FXYD6: variants seen among roughly 807,000 people sequenced by gnomAD.
FXYD6 encodes FXYD domain containing ion transport regulator 6, also known as FXYD domain-containing ion transport regulator 6.
FXYD6 carries 7 observed loss-of-function variants against 16.7 expected under a neutral mutation model. The observed-to-expected ratio is 0.42, with a 90% CI of 0.24 to 0.79. The LOEUF is 0.79. Among genes scored for constraint, FXYD6 ranks in the 30% least tolerant of loss-of-function variants. The pLI, the probability that FXYD6 is intolerant of heterozygous loss-of-function variation, is 0.28. For synonymous variants in FXYD6, 49 were observed against 43.0 expected (o/e 1.14, Z -0.54); for missense variants, 111 against 116.2 (o/e 0.95, Z 0.21).
intron 1 of FXYD6, among the ~76,000 whole-genome samples, chr11:117,853,185 G>A (rs1442273638): frequency 6.6e-6 from 1 of 152,052 alleles, no homozygotes; most frequent in East Asian, 1.9e-4. Context: ...TAATATATTC[G>A]ATTGTGAGCT....
intron 1 of FXYD6, among the ~76,000 whole-genome samples, chr11:117,876,233 G>T (rs73588911): frequency 0.028 from 4,207 of 152,118 alleles, 187 homozygotes; most frequent in East Asian, 0.15. Flanking sequence ...AAGTAACAAA[G>T]GGAAAACTCC....
intron 1 of FXYD6, among the ~76,000 whole-genome samples, chr11:117,856,205 T>A (rs1055674549): frequency 6.6e-6 from 1 of 152,202 alleles, no homozygotes; most frequent in Non-Finnish European, 1.5e-5. Flanking sequence ...GGGTAAAAAC[T>A]GCTCAGAAAG....
At chr11:117,874,308 C>T (rs1236109233) in intron 1 of FXYD6, among the ~76,000 whole-genome samples, 5 of 152,174 alleles carry the variant, frequency 3.3e-5, no homozygotes, top group East Asian at 3.8e-4. Context: ...AGGAAGGAAA[C>T]GCTTCCCCCA....
intron 1 of FXYD6, among the ~76,000 whole-genome samples, chr11:117,848,309 G>A (rs1392404202): frequency 1.3e-5 from 2 of 151,736 alleles, no homozygotes; most frequent in African/African-American, 4.8e-5. Context: ...TATTTCTATG[G>A]TTTTTGTCCT....
chr11:117,840,310 G>A lies in FXYD6; in HGVS notation c.259+9C>T. The A allele has an allele frequency of 6.2e-7, 1 of 1,614,122 alleles. No homozygotes were observed. Among genetic ancestry groups the A allele is most frequent in the South Asian group, 1.1e-5 (1 of 91,070 alleles). On this transcript the variant is annotated intron_variant, in intron 6 of 7. Transcript: ENST00000526014. ...TTTTCCACCTGGGCAGGTGGTCACG[G>A]ACAGTTACCATTGGCGGTGATGAGG...
upstream of FXYD6, chr11:117,876,667 G>A (rs2057276883): frequency 6.6e-6 from 1 of 152,152 alleles, no homozygotes; most frequent in Non-Finnish European, 1.5e-5. Context: ...GCGGGGCTGG[G>A]GGCAGGGCGG....
rs562412531 is a variant in FXYD6 at position 117,872,782 on chromosome 11, C to T, written c.-6+3810G>A. Among the ~76,000 whole-genome samples, 5 of 152,266 alleles carry T rather than the reference C, an allele frequency of 3.3e-5. No individual in the cohort carries two copies. Among genetic ancestry groups the T allele is most frequent in the South Asian group, 2.1e-4 (1 of 4,824 alleles). On this transcript the variant is annotated intron_variant, in intron 1 of 7. Coordinates refer to ENST00000526014, the MANE Select transcript of FXYD6 (RefSeq NM_022003.4). This position sits in a 1 kb window ranked among gnomAD's most constrained non-coding sequence, Gnocchi z 4.9. ...AAGCTGGCTTCATCCCTTCCCAGGT[C>T]GGGACCTCTCCCTCCCCGGATTCTG...
intron 1 of FXYD6, among the ~76,000 whole-genome samples, chr11:117,861,547 G>T (rs1250844790): frequency 2.0e-5 from 3 of 152,246 alleles, no homozygotes; most frequent in Non-Finnish European, 4.4e-5. Flanking sequence ...AAAAGAGACG[G>T]CCTGTGGACG....
rs893611492 is a variant in FXYD6 at position 117,838,271 on chromosome 11, C to T, written c.*28G>A. 8 of 702,572 alleles carry T rather than the reference C, an allele frequency of 1.1e-5. No homozygotes were observed. Among genetic ancestry groups the T allele is most frequent in the Non-Finnish European group, 2.1e-5 (8 of 385,004 alleles). The allele number at this position is 702,572 out of a possible 1,614,324, so 43.5% of individuals were successfully genotyped here. On this transcript the variant is annotated 3_prime_UTR_variant, in exon 8 of 8. Coordinates refer to ENST00000526014, the MANE Select transcript of FXYD6 (RefSeq NM_022003.4). The stretch of plus-strand genomic sequence containing the variant: ...AAGGTTCAAGCAGCCGCCTCAGGTT[C>T]CAGAGGCTGAGGAGGAGGATAATTT...
At chr11:117,851,401 C>A (rs1235939671) in intron 1 of FXYD6, among the ~76,000 whole-genome samples, 1 of 152,166 alleles carries the variant, frequency 6.6e-6, no homozygotes. Context: ...ACTCCAAAAG[C>A]CTGCTAAGAA....
intron 1 of FXYD6, among the ~76,000 whole-genome samples, chr11:117,846,010 A>G (rs995374667): frequency 1.3e-5 from 2 of 152,164 alleles, no homozygotes; most frequent in African/African-American, 4.8e-5. Flanking sequence ...ACTTCACACA[A>G]TGATTTAAAA....
Position 117,860,387 on chromosome 11 carries a change from G to GCTCT in FXYD6, c.-6+16201_-6+16204dup, listed in dbSNP as rs566451664. On this transcript the variant is annotated intron_variant, in intron 1 of 7. Coordinates refer to ENST00000526014, the MANE Select transcript of FXYD6 (RefSeq NM_022003.4). ...CAGCGAGATACAGGTACCTGAGAGA[G>GCTCT]CTCTGCGCAGAGAGCCACAATGCAG... Among the ~76,000 whole-genome samples the GCTCT allele has an allele frequency of 3.1e-3, 469 of 152,314 alleles. 1 individual carries two copies. The highest frequency in any genetic ancestry group is 9.8e-3 in the African/African-American group (407 of 41,556).
intron 7 of FXYD6, 120 bp from the exon 8 acceptor site, chr11:117,838,397 G>T: frequency 1.5e-6 from 1 of 684,428 alleles, no homozygotes; most frequent in Non-Finnish European, 2.7e-6. Context: ...CCTCGTCTGA[G>T]ACGCAGAGAA....
chr11:117,837,796 A>G lies in FXYD6; in HGVS notation c.*503T>C, dbSNP rs1244872119. The G allele has an allele frequency of 1.0e-5, 2 of 194,176 alleles. No homozygotes were observed. The highest frequency in any genetic ancestry group is 4.6e-5 in the African/African-American group (2 of 43,766). The allele number at this position is 194,176 out of a possible 1,614,324, so 12.0% of individuals were successfully genotyped here. A position where few individuals can be genotyped will look rare whatever the true frequency, so the allele number is the denominator to read the frequency against. On this transcript the variant is annotated 3_prime_UTR_variant, in exon 8 of 8. Coordinates refer to ENST00000526014, the MANE Select transcript of FXYD6 (RefSeq NM_022003.4). The surrounding 1 kb of genome is among the most constrained non-coding windows in gnomAD (Gnocchi z 4.4). ...GTGCTGCAAACCTTCCCAGGTCCCA[A>G]GACGACTGAAGACCACTGCCCGTGC...
intron 1 of FXYD6, among the ~76,000 whole-genome samples, chr11:117,873,554 T>G (rs1041749504): frequency 2.0e-5 from 3 of 152,226 alleles, no homozygotes; most frequent in African/African-American, 7.2e-5. Flanking sequence ...ACCCGGCCTT[T>G]CCACAGCAGG....
In FXYD6 at chr11:117,872,854, C is replaced by T. The variant is rs756828243; in HGVS notation, c.-6+3738G>A. ...ATTGGTTCCATGCTTTTGTTTCGGC[C>T]GGAGATGTCCTGCCTCTCATCAGGG... On this transcript the variant is annotated intron_variant, in intron 1 of 7. Transcript: ENST00000526014. This position sits in a 1 kb window ranked among gnomAD's most constrained non-coding sequence, Gnocchi z 4.9. Among the ~76,000 whole-genome samples, 4 of 152,296 alleles carry T rather than the reference C, an allele frequency of 2.6e-5. No individual in the cohort carries two copies. The highest frequency in any genetic ancestry group is 3.4e-3 in the Middle Eastern group (1 of 294).
At chr11:117,858,768 C>CCTTCCTTG (rs2056832088) in intron 1 of FXYD6, among the ~76,000 whole-genome samples, 1 of 106,870 alleles carries the variant, frequency 9.4e-6, no homozygotes, top group Non-Finnish European at 2.1e-5. Flanking sequence ...TTCCTTCCTT[C>CCTTCCTTG]CTTCCTTCCT....
rs182443600 is a variant in FXYD6 at position 117,867,472 on chromosome 11, T to A, written c.-6+9120A>T. Among the ~76,000 whole-genome samples the A allele has an allele frequency of 5.3e-3, 803 of 152,340 alleles. 1 individual carries two copies. Among genetic ancestry groups the A allele is most frequent in the Non-Finnish European group, 8.0e-3 (541 of 68,032 alleles). ...TAATAGTGCAGTAGCTGGACCCATC[T>A]TTAACCTCCTCCTTCCCCTCTGTGC... On this transcript the variant is annotated intron_variant, in intron 1 of 7. Transcript: ENST00000526014.
At chr11:117,845,268 T>C (rs1029408462) in intron 1 of FXYD6, among the ~76,000 whole-genome samples, 2 of 152,238 alleles carry the variant, frequency 1.3e-5, no homozygotes, top group African/African-American at 4.8e-5. Flanking sequence ...TGTGTCTGGC[T>C]TTCAAGTTAG....
Sources: allele counts gnomAD v4.1 joint callset (sites outside exome capture counted in the v4.1 genomes callset), GRCh38; gene constraint gnomAD v4.1.1; non-coding constraint Gnocchi (gnomAD v3.1); transcripts MANE v1.5; gene names NCBI Gene and HGNC (gene_info 2026-07-23, HGNC 2026-07-21).